Variants in FSTL4 observed in about 807,000 individuals in gnomAD.
FSTL4 encodes follistatin like 4, also known as follistatin-related protein 4.
In FSTL4, 28 loss-of-function variants were observed where a neutral mutation model predicts 78.2. The ratio of observed to expected loss-of-function variants is 0.36; its 90% CI spans 0.27 to 0.49. The LOEUF (loss-of-function observed/expected upper bound fraction) is 0.49. FSTL4 is among the 20% of genes least tolerant of loss of function. The probability of loss-of-function intolerance (pLI) is 0.98; values close to 1 mark genes in which losing one functional copy is unlikely to be tolerated. For missense variants in FSTL4, 922 were observed against 1,084.9 expected (o/e 0.85, Z 2.11); for synonymous variants, 422 against 440.5 (o/e 0.96, Z 0.53).
the FSTL4 span, among the ~76,000 whole-genome samples, chr5:133,738,185 C>T: frequency 1.3e-5 from 2 of 152,168 alleles, no homozygotes; most frequent in East Asian, 3.8e-4. Flanking sequence ...CTCTCTCTGT[C>T]CTTCACAATA....
At chr5:133,696,522 A>G in the FSTL4 span, among the ~76,000 whole-genome samples, 2 of 152,192 alleles carry the variant, frequency 1.3e-5, no homozygotes, top group African/African-American at 4.8e-5. Context: ...GGCATGTCGT[A>G]TCTCATTTTA....
chr5:133,521,173 C>T (rs538117655), intron 3 of FSTL4, among the ~76,000 whole-genome samples: 2 of 152,274 alleles, frequency 1.3e-5, no homozygotes, highest in South Asian at 4.2e-4. Flanking sequence ...AGGGGGAAAA[C>T]ATGTCTCCAC....
intron 3 of FSTL4, among the ~76,000 whole-genome samples, chr5:133,541,683 T>C (rs982158290): frequency 2.6e-5 from 4 of 152,344 alleles, no homozygotes; most frequent in African/African-American, 9.6e-5. Context: ...GTGGCCAGCA[T>C]GAGTCCTTTA....
At chr5:133,678,562 CGT>C in the FSTL4 span, among the ~76,000 whole-genome samples, 160 of 149,644 alleles carry the variant, frequency 1.1e-3, no homozygotes, top group African/African-American at 3.4e-3. Context: ...TGTGTTTGAG[CGT>C]GTGTGTGTGT....
chr5:133,551,827 T>C (rs1282598018), intron 3 of FSTL4, among the ~76,000 whole-genome samples: 3 of 152,226 alleles, frequency 2.0e-5, no homozygotes, highest in African/African-American at 7.2e-5. Context: ...CTTTGGAAAG[T>C]AATTACTCTG....
the FSTL4 span, among the ~76,000 whole-genome samples, chr5:133,785,193 G>C: frequency 1.3e-5 from 2 of 152,300 alleles, no homozygotes; most frequent in South Asian, 2.1e-4. Flanking sequence ...AGGACATGCT[G>C]GTGAGAAAGC....
chr5:133,755,837 A>G, the FSTL4 span, among the ~76,000 whole-genome samples: 1 of 152,174 alleles, frequency 6.6e-6, no homozygotes, highest in Non-Finnish European at 1.5e-5. Flanking sequence ...CTCTTCATCA[A>G]ACTGTGTTCA....
chr5:133,637,392 T>A, the FSTL4 span, among the ~76,000 whole-genome samples: 1 of 152,124 alleles, frequency 6.6e-6, no homozygotes, highest in Non-Finnish European at 1.5e-5. Context: ...ATTCACTCAA[T>A]AAAAATTTTG....
chr5:133,727,249 G>C, the FSTL4 span, among the ~76,000 whole-genome samples: 2 of 152,074 alleles, frequency 1.3e-5, no homozygotes, highest in Non-Finnish European at 2.9e-5. Context: ...ATAAGATTTA[G>C]CTTGACCCTA....
At chr5:133,601,048 A>G (rs1413693723) in intron 2 of FSTL4, among the ~76,000 whole-genome samples, 1 of 152,212 alleles carries the variant, frequency 6.6e-6, no homozygotes, top group African/African-American at 2.4e-5. Flanking sequence ...ACACGCAAGG[A>G]CTATCTTGGA....
In FSTL4 at chr5:133,297,877, G is replaced by A. The variant is rs140328785; in HGVS notation, c.727+14777C>T. On this transcript the variant is annotated intron_variant, in intron 6 of 15. Coordinates refer to ENST00000265342, the MANE Select transcript of FSTL4 (RefSeq NM_015082.2). ...TGGGACAGGATGCCAGGTGGGGTGT[G>A]CAGCGTCGGGACCAACAGTCCCCCA... Among the ~76,000 whole-genome samples, 286 of 152,286 alleles carry A rather than the reference G, an allele frequency of 1.9e-3. 4 individuals are homozygous for A. The highest frequency in any genetic ancestry group is 0.01 in the Middle Eastern group (3 of 294).
At position 133,599,336 on chromosome 5, in the gene FSTL4, T is replaced by C. The variant is rs190338741; in HGVS notation, c.126+4522A>G. Among the ~76,000 whole-genome samples, 59 of 152,156 alleles carry C rather than the reference T, an allele frequency of 3.9e-4. 1 individual carries two copies. Among genetic ancestry groups the C allele is most frequent in the South Asian group, 1.5e-3 (7 of 4,804 alleles). On this transcript the variant is annotated intron_variant, in intron 2 of 15. Transcript: ENST00000265342. ...ACTTGTAGCAAGGGGAAGGGGCCGG[T>C]CAGTCAGGGTAGGATCAATGCTGTC...
chr5:133,628,999 C>T, the FSTL4 span, among the ~76,000 whole-genome samples: 6 of 136,174 alleles, frequency 4.4e-5, 1 homozygote, highest in African/African-American at 8.4e-5. Context: ...CCAGAACTTC[C>T]GATACTATGT....
intron 11 of FSTL4, among the ~76,000 whole-genome samples, chr5:133,221,442 G>C (rs1465990820): frequency 9.1e-6 from 1 of 110,290 alleles, no homozygotes; most frequent in Non-Finnish European, 1.7e-5. Flanking sequence ...CTGGCAGCCC[G>C]TGCCAGGCAG....
At chr5:133,779,108 T>C in the FSTL4 span, among the ~76,000 whole-genome samples, 10 of 152,032 alleles carry the variant, frequency 6.6e-5, no homozygotes, top group Non-Finnish European at 2.9e-5. Flanking sequence ...GGGAAAACAA[T>C]AAAACTGAAT....
chr5:133,715,576 G>A, the FSTL4 span, among the ~76,000 whole-genome samples: 1 of 152,202 alleles, frequency 6.6e-6, no homozygotes, highest in Admixed American at 6.5e-5. Flanking sequence ...TTAGGGGAAA[G>A]AGGGCAGATT....
chr5:133,608,783 T>C (rs1007959345), intron 1 of FSTL4, among the ~76,000 whole-genome samples: 2 of 152,342 alleles, frequency 1.3e-5, no homozygotes, highest in Non-Finnish European at 2.9e-5. Flanking sequence ...CTGACTTGCT[T>C]TTTGAAGAAA....
At chr5:133,471,645 G>A (rs1757828853) in intron 3 of FSTL4, among the ~76,000 whole-genome samples, 1 of 152,180 alleles carries the variant, frequency 6.6e-6, no homozygotes, top group Non-Finnish European at 1.5e-5. Flanking sequence ...TTAAATTTCT[G>A]TTGTTTATCA....
chr5:133,286,429 T>C (rs111822993), intron 6 of FSTL4, among the ~76,000 whole-genome samples: 93 of 152,314 alleles, frequency 6.1e-4, no homozygotes, highest in African/African-American at 2.1e-3. Context: ...ACCTAACTTT[T>C]TCTGAAGAGA....
Sources: gnomAD v4.1 joint callset for allele counts (sites outside exome capture counted in the v4.1 genomes callset) on GRCh38, gnomAD v4.1.1 for gene constraint, MANE v1.5 for transcripts, NCBI Gene and HGNC (gene_info 2026-07-23, HGNC 2026-07-21) for gene names.